GPR39: variants seen among roughly 807,000 people sequenced by gnomAD.
GPR39 encodes the protein G protein-coupled receptor 39, also known as zinc sensing receptor.
A neutral mutation model predicts 18.4 loss-of-function variants in GPR39; 23 were observed. The observed-to-expected ratio is 1.25, with a 90% confidence interval of 0.90 to 1.77. GPR39 has a LOEUF of 1.77. Ranked by LOEUF, GPR39 falls within the 40% of genes most tolerant of loss-of-function variation. GPR39 has a pLI of 0.00. For missense variants in GPR39, 647 were observed against 602.4 expected (o/e 1.07, Z -0.78); for synonymous variants, 280 against 257.9 (o/e 1.09, Z -0.82).
chr2:132,584,539 ATC>A (rs1240061655), intron 1 of GPR39, among the ~76,000 whole-genome samples: 1 of 151,926 alleles, frequency 6.6e-6, no homozygotes, highest in Non-Finnish European at 1.5e-5. Flanking sequence ...GGCTAGCAAG[ATC>A]TCTGCCCCTT....
At position 132,546,753 on chromosome 2, in the gene GPR39, G is replaced by A. The variant is rs148919662; in HGVS notation, c.857-98348G>A. Among the ~76,000 whole-genome samples, 495 of 150,252 alleles carry A rather than the reference G, an allele frequency of 3.3e-3. 5 individuals carry two copies. The highest frequency in any genetic ancestry group is 0.012 in the African/African-American group (468 of 40,658). ...ACCCTGGGGATTCCTTGACAGTTCC[G>A]GGGCCTCTGTGGCTTGGGCAGAGAG... On this transcript the variant is annotated intron_variant, in intron 1 of 1. Transcript: ENST00000329321.
Position 132,490,419 on chromosome 2 carries a change from C to T in GPR39, c.856+72521C>T, listed in dbSNP as rs540563800. Among the ~76,000 whole-genome samples, 5 of 151,830 alleles carry T rather than the reference C, an allele frequency of 3.3e-5. No individual in the cohort carries two copies. The East Asian group carries it at 9.7e-4, about 29-fold the overall frequency. On this transcript the variant is annotated intron_variant, in intron 1 of 1. Transcript: ENST00000329321. ...TTAACCATCAGCTGTAGATTTAGAC[C>T]GAGGAGGTTTATTCGATATTTAACG...
rs553094879 is a variant in GPR39, at chr2:132,489,415, A to T, written c.856+71517A>T. On this transcript the variant is annotated intron_variant, in intron 1 of 1. Coordinates refer to ENST00000329321, the MANE Select transcript of GPR39 (RefSeq NM_001508.3). ...GCTGCTCCTAGCTCTGGTGACTGTG[A>T]CTGGGGCTGGCGGCAGGCCGTGGGG... Among the ~76,000 whole-genome samples, 9 of 152,124 alleles carry T rather than the reference A, an allele frequency of 5.9e-5. No homozygotes were observed. The South Asian group carries it at 1.9e-3, about 32-fold the overall frequency.
intron 1 of GPR39, among the ~76,000 whole-genome samples, chr2:132,626,743 A>T (rs917636139): frequency 2.0e-5 from 3 of 152,198 alleles, no homozygotes; most frequent in Non-Finnish European, 2.9e-5. Context: ...ATGTTACCTT[A>T]GGAGGCTGAA....
intron 1 of GPR39, among the ~76,000 whole-genome samples, chr2:132,511,637 G>A (rs111847324): frequency 0.036 from 5,417 of 152,196 alleles, 279 homozygotes; most frequent in African/African-American, 0.11. Flanking sequence ...TATTTGCTGC[G>A]GAAGGTGATT....
intron 1 of GPR39, among the ~76,000 whole-genome samples, chr2:132,479,171 G>A (rs183630365): frequency 1.2e-4 from 19 of 152,318 alleles, no homozygotes; most frequent in African/African-American, 4.3e-4. Flanking sequence ...TTAAAGGCCC[G>A]TGGTATTCCA....
intron 1 of GPR39, among the ~76,000 whole-genome samples, chr2:132,614,204 GT>G (rs1681288398): frequency 1.3e-5 from 2 of 149,934 alleles, no homozygotes; most frequent in Admixed American, 6.7e-5. Context: ...GTTTTGTTTT[GT>G]TTTTGTTTTT....
intron 1 of GPR39, among the ~76,000 whole-genome samples, chr2:132,564,640 A>G (rs1198633001): frequency 1.3e-5 from 2 of 151,994 alleles, no homozygotes; most frequent in African/African-American, 4.8e-5. Context: ...ATCTTGAGAA[A>G]AAGTTGCTCA....
At position 132,646,064 on chromosome 2, in the gene GPR39, AG is replaced by A; in HGVS notation, c.*461del. The A allele has an allele frequency of 6.3e-7, 1 of 1,580,740 alleles. No individual in the cohort carries two copies. Among genetic ancestry groups the A allele is most frequent in the Non-Finnish European group, 8.6e-7 (1 of 1,161,712 alleles). ...TCAGCTTCAGCAGTGTGCCGAGAAG[AG>A]GGCTAATTTGAGGAACAGGATGGTG... On this transcript the variant is annotated 3_prime_UTR_variant, in exon 2 of 2. Transcript: ENST00000329321.
rs114539984 is a variant in GPR39, at chr2:132,553,582, A to G, written c.857-91519A>G. 3.3e-3 allele frequency among the ~76,000 whole-genome samples: 509 copies of G among 152,146 alleles called. 2 individuals carry two copies. Among genetic ancestry groups the G allele is most frequent in the African/African-American group, 0.012 (488 of 41,528 alleles). On this transcript the variant is annotated intron_variant, in intron 1 of 1. Coordinates refer to ENST00000329321, the MANE Select transcript of GPR39 (RefSeq NM_001508.3). ...ACACAACCACTGGATGAGATAGACA[A>G]GCATAGAGACCCTCACAGGCTGAAT...
intron 1 of GPR39, among the ~76,000 whole-genome samples, chr2:132,436,161 G>GCTCCAGGCCCTGGCAGCCC (rs1345208688): frequency 2.6e-5 from 4 of 152,110 alleles, no homozygotes; most frequent in African/African-American, 9.7e-5. Flanking sequence ...AGCAAGAGCA[G>GCTCCAGGCCCTGGCAGCCC]CAGCTCCAGG....
chr2:132,497,950 TC>T (rs897463684), intron 1 of GPR39, among the ~76,000 whole-genome samples: 1 of 152,170 alleles, frequency 6.6e-6, no homozygotes, highest in African/African-American at 2.4e-5. Context: ...GGATTCTGGG[TC>T]CCTGTAAAAG....
intron 1 of GPR39, among the ~76,000 whole-genome samples, chr2:132,644,418 T>C (rs1474704970): frequency 6.6e-6 from 1 of 152,202 alleles, no homozygotes; most frequent in Admixed American, 6.5e-5. Flanking sequence ...GAATAATTCT[T>C]TTTCCCCACA....
intron 1 of GPR39, among the ~76,000 whole-genome samples, chr2:132,509,088 G>A (rs1002505277): frequency 6.6e-6 from 1 of 152,190 alleles, no homozygotes; most frequent in Admixed American, 6.5e-5. Context: ...GGAAACCAGA[G>A]AAAAGTGTTT....
intron 1 of GPR39, among the ~76,000 whole-genome samples, chr2:132,643,205 C>T (rs1268063654): frequency 6.6e-6 from 1 of 152,080 alleles, no homozygotes; most frequent in African/African-American, 2.4e-5. Flanking sequence ...ACCATTTTTT[C>T]ATCAGATCAA....
intron 1 of GPR39, among the ~76,000 whole-genome samples, chr2:132,611,210 C>T (rs916343419): frequency 6.6e-6 from 1 of 152,222 alleles, no homozygotes; most frequent in Non-Finnish European, 1.5e-5. Flanking sequence ...CAGTTTGCCT[C>T]ACTGGTGGCT....
At chr2:132,616,817 T>G (rs1681343391) in intron 1 of GPR39, among the ~76,000 whole-genome samples, 1 of 152,208 alleles carries the variant, frequency 6.6e-6, no homozygotes, top group Non-Finnish European at 1.5e-5. Flanking sequence ...CAAAAAACTG[T>G]TTTGAAAGAA....
Position 132,470,828 on chromosome 2 carries a change from G to A in GPR39, c.856+52930G>A, listed in dbSNP as rs138095564. Among the ~76,000 whole-genome samples, 502 of 152,232 alleles carry A rather than the reference G, an allele frequency of 3.3e-3. 4 individuals carry two copies. Among genetic ancestry groups the A allele is most frequent in the African/African-American group, 0.011 (448 of 41,530 alleles). On this transcript the variant is annotated intron_variant, in intron 1 of 1. Coordinates refer to ENST00000329321, the MANE Select transcript of GPR39 (RefSeq NM_001508.3). The stretch of plus-strand genomic sequence containing the variant: ...AGGGTCTTAAATGATGGGCCAGCCT[G>A]TGACCTCCCAACCCCCACCTGACAC...
At chr2:132,521,924 G>T (rs1218215738) in intron 1 of GPR39, among the ~76,000 whole-genome samples, 1 of 152,090 alleles carries the variant, frequency 6.6e-6, no homozygotes, top group African/African-American at 2.4e-5. Flanking sequence ...CAATAATTGT[G>T]AACATTAAAG....
Sources: gnomAD v4.1 joint callset for allele counts (sites outside exome capture counted in the v4.1 genomes callset) on GRCh38, gnomAD v4.1.1 for gene constraint, MANE v1.5 for transcripts, NCBI Gene and HGNC (gene_info 2026-07-23, HGNC 2026-07-21) for gene names.